Variants in FHIT observed in about 807,000 individuals in gnomAD.
FHIT encodes the protein bis(5'-adenosyl)-triphosphatase.
In FHIT, 19 loss-of-function variants were observed where a neutral mutation model predicts 17.9. The ratio of observed to expected loss-of-function variants is 1.06; its 90% CI spans 0.74 to 1.56. The LOEUF (loss-of-function observed/expected upper bound fraction) is 1.56, where lower values mean the gene tolerates loss of function less well. Ranked by LOEUF, FHIT falls within the 40% of genes most tolerant of loss-of-function variation. FHIT has a pLI of 0.00. For synonymous variants in FHIT, 81 were observed against 69.7 expected, an observed-to-expected ratio of 1.16 and a Z score of -0.81; for missense variants, 248 against 189.2, an observed-to-expected ratio of 1.31 and a Z score of -1.82.
chr3:60,386,132 A>G (rs1701000820), intron 5 of FHIT, among the ~76,000 whole-genome samples: 1 of 152,086 alleles, frequency 6.6e-6, no homozygotes, highest in South Asian at 2.1e-4. Flanking sequence ...CCAAGATTTC[A>G]AGATTTGAGC....
intron 3 of FHIT, among the ~76,000 whole-genome samples, chr3:60,859,713 T>G (rs1703544780): frequency 6.7e-6 from 1 of 148,238 alleles, no homozygotes; most frequent in Admixed American, 6.9e-5. Context: ...TGCAGTGGAT[T>G]CTGAATACGA....
At chr3:61,061,150 A>C (rs1048388291) in intron 2 of FHIT, among the ~76,000 whole-genome samples, 1 of 152,236 alleles carries the variant, frequency 6.6e-6, no homozygotes, top group Non-Finnish European at 1.5e-5. Flanking sequence ...TCAGGAGAGA[A>C]CAGATAAGGT....
At chr3:60,221,690 G>C (rs1372707511) in intron 5 of FHIT, among the ~76,000 whole-genome samples, 4 of 151,972 alleles carry the variant, frequency 2.6e-5, no homozygotes, top group Admixed American at 2.6e-4. Flanking sequence ...AGTCATTCCA[G>C]TCATTCCACA....
chr3:60,363,945 G>A (rs577882671), intron 5 of FHIT, among the ~76,000 whole-genome samples: 3 of 152,074 alleles, frequency 2.0e-5, no homozygotes, highest in Admixed American at 2.0e-4. Flanking sequence ...GTCCTTTGAG[G>A]TTCCCACAAC....
intron 2 of FHIT, among the ~76,000 whole-genome samples, chr3:61,084,860 C>A (rs2035256579): frequency 6.6e-6 from 1 of 152,126 alleles, no homozygotes; most frequent in Admixed American, 6.5e-5. Context: ...GATTTGCTTT[C>A]CATCTCTGTA....
At chr3:60,224,713 TTTTA>T (rs1704113389) in intron 5 of FHIT, among the ~76,000 whole-genome samples, 1 of 150,360 alleles carries the variant, frequency 6.7e-6, no homozygotes, top group Non-Finnish European at 1.5e-5. Flanking sequence ...TTTTATTTTA[TTTTA>T]TTTTATTTTA....
chr3:59,938,447 G>A (rs1341762352), intron 7 of FHIT, among the ~76,000 whole-genome samples: 3 of 152,130 alleles, frequency 2.0e-5, no homozygotes, highest in African/African-American at 7.2e-5. Context: ...GTAAGCAGCA[G>A]ATTTGTAGGA....
intron 2 of FHIT, among the ~76,000 whole-genome samples, chr3:61,189,532 C>G (rs945987565): frequency 6.6e-6 from 1 of 152,150 alleles, no homozygotes; most frequent in Non-Finnish European, 1.5e-5. Flanking sequence ...AGATTCAATG[C>G]CATCCCCATC....
intron 8 of FHIT, among the ~76,000 whole-genome samples, chr3:59,887,435 G>A (rs1276431665): frequency 2.0e-5 from 3 of 152,126 alleles, no homozygotes; most frequent in Non-Finnish European, 4.4e-5. Context: ...CACAGGTAAT[G>A]AGAAAGTGCA....
chr3:60,082,822 T>C (rs1703347681), intron 5 of FHIT, among the ~76,000 whole-genome samples: 1 of 152,078 alleles, frequency 6.6e-6, no homozygotes, highest in Non-Finnish European at 1.5e-5. Flanking sequence ...AATAGGGCTG[T>C]TTTTTGCTTG....
intron 5 of FHIT, among the ~76,000 whole-genome samples, chr3:60,445,319 A>C (rs767321243): frequency 6.6e-6 from 1 of 152,120 alleles, no homozygotes; most frequent in Non-Finnish European, 1.5e-5. Context: ...CAAAGCACTC[A>C]GGGTAACCTG....
chr3:61,000,788 C>T (rs1448779338), intron 3 of FHIT, among the ~76,000 whole-genome samples: 1 of 152,172 alleles, frequency 6.6e-6, no homozygotes, highest in South Asian at 2.1e-4. Flanking sequence ...GAGCCTGCTC[C>T]CTCTGGTCAA....
chr3:60,855,685 T>C (rs577794981), intron 3 of FHIT, among the ~76,000 whole-genome samples: 3 of 152,158 alleles, frequency 2.0e-5, no homozygotes, highest in Non-Finnish European at 4.4e-5. Context: ...TTCCATGTGT[T>C]ATGGGCCAAG....
chr3:60,090,629 G>A (rs1329614030), intron 5 of FHIT, among the ~76,000 whole-genome samples: 2 of 152,192 alleles, frequency 1.3e-5, no homozygotes, highest in Non-Finnish European at 2.9e-5. Flanking sequence ...AAGTGAAGGT[G>A]ACAACCCTTT....
chr3:59,830,279 G>A (rs958668104), intron 8 of FHIT, among the ~76,000 whole-genome samples: 6 of 152,134 alleles, frequency 3.9e-5, no homozygotes, highest in Non-Finnish European at 5.9e-5. Flanking sequence ...CTCTATTGGA[G>A]AAAATCTAGA....
intron 5 of FHIT, among the ~76,000 whole-genome samples, chr3:60,322,231 T>C (rs949699376): frequency 6.6e-6 from 1 of 152,220 alleles, no homozygotes; most frequent in East Asian, 1.9e-4. Flanking sequence ...CTGGAGTATA[T>C]TAGCACTAAA....
intron 4 of FHIT, among the ~76,000 whole-genome samples, chr3:60,793,643 A>G (rs1422647681): frequency 1.3e-5 from 2 of 152,098 alleles, no homozygotes; most frequent in African/African-American, 4.8e-5. Context: ...TCCAAGAAAA[A>G]CTGCTTACAG....
chr3:60,491,503 A>G (rs1177664383), intron 5 of FHIT, among the ~76,000 whole-genome samples: 1 of 152,228 alleles, frequency 6.6e-6, no homozygotes, highest in Non-Finnish European at 1.5e-5. Flanking sequence ...AAAAATGCAT[A>G]TAAAACACTA....
intron 7 of FHIT, among the ~76,000 whole-genome samples, chr3:60,008,135 G>T (rs568105522): frequency 1.3e-5 from 2 of 152,116 alleles, no homozygotes; most frequent in Non-Finnish European, 2.9e-5. Context: ...AGACAATGAA[G>T]AATGCCTCGA....
Sources: allele counts gnomAD v4.1 joint callset (sites outside exome capture counted in the v4.1 genomes callset), GRCh38; gene constraint gnomAD v4.1.1; transcripts MANE v1.5; gene names NCBI Gene and HGNC (gene_info 2026-07-23, HGNC 2026-07-21).